RNF32: variants seen among roughly 807,000 people sequenced by gnomAD.
RNF32 encodes the protein ring finger protein 32.
In RNF32, 36 loss-of-function variants were observed where a neutral mutation model predicts 41.0. The observed-to-expected ratio is 0.88, with a 90% CI of 0.67 to 1.16. The LOEUF (loss-of-function observed/expected upper bound fraction) is 1.16, where lower values mean the gene tolerates loss of function less well. RNF32 is among the 50% of genes most tolerant of loss of function. The pLI is 0.00. For synonymous variants in RNF32, 154 were observed against 160.9 expected, an observed-to-expected ratio of 0.96 and a Z score of 0.32; for missense variants, 413 against 436.7, an observed-to-expected ratio of 0.95 and a Z score of 0.48.
At chr7:156,660,120 G>C (rs1274570728) in intron 7 of RNF32, 12 of 985,636 alleles carry the variant, frequency 1.2e-5, no homozygotes, top group Non-Finnish European at 1.4e-5. Context: ...CTCATCGCTC[G>C]GAACGCCCCG....
intron 7 of RNF32, among the ~76,000 whole-genome samples, chr7:156,668,480 G>A (rs1477031505): frequency 6.6e-6 from 1 of 152,176 alleles, no homozygotes; most frequent in Non-Finnish European, 1.5e-5. Flanking sequence ...GAGGCGGGTG[G>A]AGCCGGGCTC....
chr7:156,668,772 C>T (rs556893430), intron 7 of RNF32, among the ~76,000 whole-genome samples: 1 of 152,328 alleles, frequency 6.6e-6, no homozygotes, highest in Non-Finnish European at 1.5e-5. Context: ...AGCACAGTGC[C>T]TGTTCTATGG....
chr7:156,648,100 C>A (rs1563070671), intron 3 of RNF32, among the ~76,000 whole-genome samples: 1 of 150,726 alleles, frequency 6.6e-6, no homozygotes, highest in Non-Finnish European at 1.5e-5. Flanking sequence ...GCTGAGAATT[C>A]TTCATACTGT....
chr7:156,667,765 A>G (rs1413266732), intron 7 of RNF32, among the ~76,000 whole-genome samples: 2 of 152,332 alleles, frequency 1.3e-5, no homozygotes, highest in South Asian at 2.1e-4. Flanking sequence ...TTTGACTTCT[A>G]AAAGTACCAC....
In RNF32 at chr7:156,640,784, G is replaced by T. The variant is rs1055806933; in HGVS notation, c.-105G>T. ...TGAGGGAAAAGGGGCAGACGTCCCT[G>T]GGTTCCGGTGTTCGCGGAGGAGTCG... On this transcript the variant is annotated 5_prime_UTR_variant, in exon 1 of 9. Transcript: ENST00000317955. The T allele has an allele frequency of 4.1e-6, 1 of 246,740 alleles. No individual in the cohort carries two copies. Among genetic ancestry groups the T allele is most frequent in the African/African-American group, 2.4e-5 (1 of 41,862 alleles). The allele number at this position is 246,740 out of a possible 1,614,324, so 15.3% of individuals were successfully genotyped here.
At chr7:156,640,347 TGAG>T (rs1478238418), upstream of RNF32, 22 of 448,102 alleles carry the variant, frequency 4.9e-5, no homozygotes. Flanking sequence ...GGCGGGCGGC[TGAG>T]GAGCGTGGCT....
rs536476581 is a variant in RNF32, at chr7:156,675,101, G to C, written c.685-595G>C. On this transcript the variant is annotated intron_variant, in intron 7 of 8. Transcript: ENST00000317955. Reference sequence around the variant, plus strand: ...AAGCCTTCCTAAGGCAGCGCAGACCGGAAGAGATAGTGCAGACCCGAAGAG... The same window carrying C: ...AAGCCTTCCTAAGGCAGCGCAGACCCGAAGAGATAGTGCAGACCCGAAGAG... 8.5e-4 allele frequency among the ~76,000 whole-genome samples: 130 copies of C among 152,330 alleles called. No homozygotes were observed. The Middle Eastern group carries it at 0.014, about 16-fold the overall frequency.
rs939466387 is a variant in RNF32 at position 156,675,816 on chromosome 7, T to C, written c.805T>C (p.Cys269Arg). The C allele has an allele frequency of 5.0e-6, 8 of 1,614,024 alleles. No homozygotes were observed. The highest frequency in any genetic ancestry group is 5.9e-6 in the Non-Finnish European group (7 of 1,180,002). ...TGTTCTTCAGCAGTTGGAAGAAAAA[T>C]GTGGCCATGAGATCACAGAAGAGGA... The part of the protein sequence containing the change: ...RSVLQQLEEK[C>R]GHEITEEEWE... Residue 269 changes from cysteine (C) to arginine (R), a missense_variant, in exon 8 of 9, where the codon TGT (cysteine) becomes CGT (arginine). Cys to Arg is a radical substitution (Grantham distance 180, BLOSUM62 -3). Coordinates refer to ENST00000317955, the MANE Select transcript of RNF32 (RefSeq NM_030936.4).
At chr7:156,653,204 C>T (rs1799025962) in intron 3 of RNF32, among the ~76,000 whole-genome samples, 1 of 152,210 alleles carries the variant, frequency 6.6e-6, no homozygotes, top group African/African-American at 2.4e-5. Flanking sequence ...TTTACTATAC[C>T]TTTTCCATGT....
At chr7:156,662,782 GA>G (rs975443441) in intron 7 of RNF32, among the ~76,000 whole-genome samples, 69 of 149,316 alleles carry the variant, frequency 4.6e-4, no homozygotes, top group African/African-American at 1.7e-3. Flanking sequence ...TGAAATGACT[GA>G]AAAAAATTAT....
intron 8 of RNF32, 164 bp from the exon 9 acceptor site, chr7:156,676,243 GTGTATATATATA>G (rs1803978067): frequency 2.0e-6 from 3 of 1,490,890 alleles, no homozygotes; most frequent in East Asian, 2.5e-5. Flanking sequence ...GTATATGTGT[GTGTATATATATA>G]TGTATATATA....
chr7:156,654,840 A>C, intron 4 of RNF32, 122 bp downstream of exon 4: 1 of 828,470 alleles, frequency 1.2e-6, no homozygotes, highest in Non-Finnish European at 1.9e-6. Context: ...TGTGAGCCTC[A>C]CACACTTCCA....
chr7:156,667,288 T>G (rs1801479232), intron 7 of RNF32, among the ~76,000 whole-genome samples: 1 of 152,220 alleles, frequency 6.6e-6, no homozygotes, highest in African/African-American at 2.4e-5. Flanking sequence ...ATGGATCACT[T>G]AAAAAGCCCT....
intron 7 of RNF32, among the ~76,000 whole-genome samples, chr7:156,664,583 T>C (rs76921791): frequency 0.041 from 6,294 of 152,362 alleles, 453 homozygotes; most frequent in African/African-American, 0.14. Context: ...AATTTCCTTG[T>C]ATATATTATA....
intron 7 of RNF32, chr7:156,660,162 ACT>A: frequency 1.0e-6 from 1 of 985,242 alleles, no homozygotes; most frequent in Non-Finnish European, 1.2e-6. Context: ...TTCTGAGCAC[ACT>A]CTTGCCCGCC....
rs565727566 is a variant in RNF32 at position 156,668,257 on chromosome 7, C to T, written c.685-7439C>T. Among the ~76,000 whole-genome samples, 6 of 152,288 alleles carry T rather than the reference C, an allele frequency of 3.9e-5. No homozygotes were observed. The East Asian group carries it at 1.2e-3, about 29-fold the overall frequency. Reference sequence around the variant, plus strand: ...TGAGAGCTCAGAGAAGAGAGGTCACCTCCAGCCCAGGTACCTGGGACACAT... The same window carrying T: ...TGAGAGCTCAGAGAAGAGAGGTCACTTCCAGCCCAGGTACCTGGGACACAT... On this transcript the variant is annotated intron_variant, in intron 7 of 8. Transcript: ENST00000317955.
At chr7:156,667,030 T>C (rs1260550330) in intron 7 of RNF32, among the ~76,000 whole-genome samples, 2 of 152,178 alleles carry the variant, frequency 1.3e-5, no homozygotes, top group African/African-American at 4.8e-5. Flanking sequence ...ACTTTTTTCA[T>C]TTACATCTCA....
chr7:156,654,425 G>A lies in RNF32; in HGVS notation c.275-151G>A, dbSNP rs912452218. ...AATGTCCTGGAACACATTCCCTGTG[G>A]ATACCAATGGACAGCTTCTATTGTG... On this transcript the variant is annotated intron_variant, in intron 3 of 8. Coordinates refer to ENST00000317955, the MANE Select transcript of RNF32 (RefSeq NM_030936.4). 4.9e-6 allele frequency: 3 copies of A among 606,216 alleles called. No homozygotes were observed. The Admixed American group carries it at 9.2e-5, about 19-fold the overall frequency. 37.6% of individuals were successfully genotyped at this position (606,216 alleles called of 1,614,324 possible).
intron 3 of RNF32, among the ~76,000 whole-genome samples, chr7:156,651,753 CTG>C (rs1234104332): frequency 6.6e-6 from 1 of 152,162 alleles, no homozygotes; most frequent in African/African-American, 2.4e-5. Context: ...ACCTGAAGTT[CTG>C]TCTCATTTTT....
Sources: gnomAD v4.1 joint callset for allele counts (sites outside exome capture counted in the v4.1 genomes callset) on GRCh38, gnomAD v4.1.1 for gene constraint, MANE v1.5 for transcripts, NCBI Gene and HGNC (gene_info 2026-07-23, HGNC 2026-07-21) for gene names.